The following CNTN5 variants were observed in gnomAD, a reference collection of about 807,000 sequenced individuals.
CNTN5 encodes contactin 5.
A neutral mutation model predicts 129.1 loss-of-function variants in CNTN5; 77 were observed. The observed-to-expected ratio is 0.60, with a 90% confidence interval of 0.50 to 0.72. CNTN5 has a LOEUF of 0.72. Ranked by LOEUF, CNTN5 falls within the 30% of genes least tolerant of loss-of-function variation. CNTN5 has a pLI of 0.00. For missense variants in CNTN5, 1,478 were observed against 1,328.8 expected, an observed-to-expected ratio of 1.11 and a Z score of -1.75; for synonymous variants, 509 against 465.6, an observed-to-expected ratio of 1.09 and a Z score of -1.20.
intron 9 of CNTN5, among the ~76,000 whole-genome samples, chr11:100,023,387 G>A (rs573755024): frequency 1.3e-5 from 2 of 152,272 alleles, no homozygotes; most frequent in South Asian, 2.1e-4. Context: ...CCGCAAAAGT[G>A]AGCAAAAGTG....
At chr11:100,036,617 A>C (rs1189269749) in intron 9 of CNTN5, among the ~76,000 whole-genome samples, 1 of 149,574 alleles carries the variant, frequency 6.7e-6, no homozygotes, top group Non-Finnish European at 1.5e-5. Flanking sequence ...ATGTTCTTCC[A>C]TTTGTTTGTA....
At chr11:99,677,909 A>G (rs1253183103) in intron 3 of CNTN5, among the ~76,000 whole-genome samples, 2 of 152,066 alleles carry the variant, frequency 1.3e-5, no homozygotes, top group African/African-American at 2.4e-5. Flanking sequence ...CCTTTTCATT[A>G]CCGCTTTTGC....
At chr11:100,133,511 C>T (rs934904384) in intron 13 of CNTN5, among the ~76,000 whole-genome samples, 1 of 152,120 alleles carries the variant, frequency 6.6e-6, no homozygotes, top group Non-Finnish European at 1.5e-5. Flanking sequence ...TCTAGCAACA[C>T]AGCTACAAAG....
chr11:100,007,545 C>G (rs1471072966), intron 9 of CNTN5, among the ~76,000 whole-genome samples: 7 of 151,996 alleles, frequency 4.6e-5, no homozygotes, highest in Admixed American at 4.6e-4. Flanking sequence ...TTCCTTAAAC[C>G]TTATAAACCA....
At chr11:99,047,413 G>T (rs1864259464) in intron 1 of CNTN5, among the ~76,000 whole-genome samples, 1 of 150,352 alleles carries the variant, frequency 6.7e-6, no homozygotes. Flanking sequence ...AAGTGTATGT[G>T]TATGGCGTGT....
intron 2 of CNTN5, among the ~76,000 whole-genome samples, chr11:99,510,608 C>A (rs1946799050): frequency 6.6e-6 from 1 of 152,086 alleles, no homozygotes; most frequent in African/African-American, 2.4e-5. Context: ...TAATGGACTG[C>A]ATATATGAGG....
At chr11:99,948,428 G>C (rs755108744) in intron 7 of CNTN5, among the ~76,000 whole-genome samples, 3 of 152,138 alleles carry the variant, frequency 2.0e-5, no homozygotes, top group Non-Finnish European at 2.9e-5. Flanking sequence ...GTGACTTAAT[G>C]GTTAATAGAA....
At chr11:100,156,830 A>T (rs1192553252) in intron 13 of CNTN5, among the ~76,000 whole-genome samples, 1 of 151,988 alleles carries the variant, frequency 6.6e-6, no homozygotes, top group East Asian at 1.9e-4. Context: ...TTTCTGTGGG[A>T]TCCGTGGTGA....
intron 9 of CNTN5, among the ~76,000 whole-genome samples, chr11:100,059,842 C>G (rs1199845766): frequency 1.3e-5 from 2 of 152,128 alleles, no homozygotes; most frequent in African/African-American, 4.8e-5. Context: ...TTGTGAATGA[C>G]TGCTACAGAA....
At chr11:99,354,423 T>A (rs1204650069) in intron 2 of CNTN5, among the ~76,000 whole-genome samples, 1 of 152,140 alleles carries the variant, frequency 6.6e-6, no homozygotes, top group Non-Finnish European at 1.5e-5. Context: ...TTGAAGAAGT[T>A]CTTTAAGTCC....
chr11:99,968,426 G>A (rs571104174), intron 8 of CNTN5, among the ~76,000 whole-genome samples: 5 of 151,766 alleles, frequency 3.3e-5, no homozygotes, highest in African/African-American at 1.2e-4. Flanking sequence ...TAGATAACAT[G>A]TTTATTTTAA....
intron 3 of CNTN5, among the ~76,000 whole-genome samples, chr11:99,616,775 G>A (rs1950772506): frequency 6.6e-6 from 1 of 152,180 alleles, no homozygotes; most frequent in African/African-American, 2.4e-5. Flanking sequence ...TTTTCACAGA[G>A]GGTAGAGGCT....
intron 21 of CNTN5, among the ~76,000 whole-genome samples, chr11:100,323,788 CTTTA>C (rs1389899212): frequency 1.3e-5 from 2 of 151,792 alleles, no homozygotes; most frequent in African/African-American, 4.8e-5. Flanking sequence ...CTTCTTTCTA[CTTTA>C]TTTAGGTTTA....
intron 9 of CNTN5, among the ~76,000 whole-genome samples, chr11:100,044,413 T>C (rs1942554752): frequency 6.6e-6 from 1 of 152,104 alleles, no homozygotes; most frequent in Non-Finnish European, 1.5e-5. Context: ...CTCCAAACTG[T>C]TTTCGATAGA....
intron 6 of CNTN5, among the ~76,000 whole-genome samples, chr11:99,888,890 T>A (rs530832237): frequency 6.6e-6 from 1 of 152,314 alleles, no homozygotes; most frequent in African/African-American, 2.4e-5. Flanking sequence ...AAGTTTACAT[T>A]ATGTCATTTA....
At chr11:99,964,153 T>C (rs1450411062) in intron 8 of CNTN5, among the ~76,000 whole-genome samples, 1 of 152,170 alleles carries the variant, frequency 6.6e-6, no homozygotes, top group African/African-American at 2.4e-5. Flanking sequence ...ACCCTTTATT[T>C]CCTTCTCCTG....
chr11:100,282,634 T>C (rs1421836841), intron 18 of CNTN5, among the ~76,000 whole-genome samples: 1 of 152,230 alleles, frequency 6.6e-6, no homozygotes, highest in African/African-American at 2.4e-5. Context: ...AATTAGCATG[T>C]GGCAAAGTGA....
intron 3 of CNTN5, among the ~76,000 whole-genome samples, chr11:99,595,728 T>C (rs1950106054): frequency 6.6e-6 from 1 of 151,064 alleles, no homozygotes; most frequent in East Asian, 1.9e-4. Flanking sequence ...ATTTTTATAA[T>C]GCTGATACTT....
intron 1 of CNTN5, among the ~76,000 whole-genome samples, chr11:99,127,614 G>A (rs1858710082): frequency 6.6e-6 from 1 of 152,144 alleles, no homozygotes; most frequent in Non-Finnish European, 1.5e-5. Flanking sequence ...CTAGCGCACT[G>A]CAATCCTGAT....
Sources: gnomAD v4.1 joint callset for allele counts (sites outside exome capture counted in the v4.1 genomes callset) on GRCh38, gnomAD v4.1.1 for gene constraint, MANE v1.5 for transcripts, NCBI Gene and HGNC (gene_info 2026-07-23, HGNC 2026-07-21) for gene names.